Variants in AGBL1 observed in about 807,000 individuals in gnomAD.
AGBL1 encodes the protein cytosolic carboxypeptidase 4.
Under a neutral mutation model 118.9 loss-of-function variants are expected in AGBL1, and 130 were observed. That is an observed-to-expected ratio of 1.09 (90% CI 0.95 to 1.26). The LOEUF is 1.26. AGBL1 is among the 50% of genes most tolerant of loss of function. The probability of loss-of-function intolerance (pLI) is 0.00; values close to 1 mark genes in which losing one functional copy is unlikely to be tolerated. For synonymous variants in AGBL1, 555 were observed against 478.9 expected (o/e 1.16, Z -2.08); for missense variants, 1,584 against 1,298.1 (o/e 1.22, Z -3.38).
intron 22 of AGBL1, among the ~76,000 whole-genome samples, chr15:86,849,944 T>C (rs891957146): frequency 6.6e-6 from 1 of 152,226 alleles, no homozygotes; most frequent in Non-Finnish European, 1.5e-5. Context: ...TTTTACAATT[T>C]GGAAAATAAG....
intron 18 of AGBL1, among the ~76,000 whole-genome samples, chr15:86,480,165 A>G (rs1208304805): frequency 1.3e-5 from 2 of 152,128 alleles, no homozygotes; most frequent in African/African-American, 2.4e-5. Flanking sequence ...TAGCACACCA[A>G]CATGGCACAT....
intron 23 of AGBL1, among the ~76,000 whole-genome samples, chr15:86,967,901 A>G (rs1001258588): frequency 6.6e-6 from 1 of 152,072 alleles, no homozygotes; most frequent in Non-Finnish European, 1.5e-5. Flanking sequence ...CATTGAATGT[A>G]TAAATTACCT....
chr15:86,587,299 C>T (rs1016701361), intron 21 of AGBL1, among the ~76,000 whole-genome samples: 1 of 152,154 alleles, frequency 6.6e-6, no homozygotes, highest in Admixed American at 6.5e-5. Context: ...TCTCTTTTTC[C>T]TCTGACCTCT....
At chr15:86,941,759 C>T (rs561109623) in intron 23 of AGBL1, among the ~76,000 whole-genome samples, 1 of 152,162 alleles carries the variant, frequency 6.6e-6, no homozygotes, top group Non-Finnish European at 1.5e-5. Flanking sequence ...AGGTGCCAGC[C>T]ATTGAGAGCT....
Position 86,262,571 on chromosome 15 carries a change from T to G in AGBL1, c.970-207T>G. The G allele has an allele frequency of 1.1e-5, 7 of 629,486 alleles. No individual in the cohort carries two copies. In the South Asian group the frequency reaches 1.1e-4, roughly 10 times the overall value. The allele number at this position is 629,486 out of a possible 1,614,324, so 39.0% of individuals were successfully genotyped here. ...GAAGGCTGATAAATACTGACATAAA[T>G]GCTGAGACAAGTCCTTTATCTTCTT... On this transcript the variant is annotated intron_variant, in intron 9 of 22. Transcript: ENST00000614907.
At chr15:87,004,789 G>T (rs1220640336) in intron 24 of AGBL1, among the ~76,000 whole-genome samples, 1 of 152,098 alleles carries the variant, frequency 6.6e-6, no homozygotes, top group Admixed American at 6.6e-5. Context: ...AGCATTGATG[G>T]TCTTTCTTTA....
intron 1 of AGBL1, chr15:86,083,640 G>A (rs1006284342): frequency 6.6e-6 from 1 of 152,110 alleles, no homozygotes; most frequent in Non-Finnish European, 1.5e-5. Flanking sequence ...CCTCGGCTGG[G>A]GTGACCAGTC....
At chr15:86,539,972 T>C (rs1275333177) in intron 19 of AGBL1, among the ~76,000 whole-genome samples, 2 of 152,226 alleles carry the variant, frequency 1.3e-5, no homozygotes, top group Non-Finnish European at 2.9e-5. Context: ...AAATGAAAAG[T>C]GTTTTAAAAC....
At chr15:86,961,834 T>C (rs778387149) in intron 23 of AGBL1, among the ~76,000 whole-genome samples, 1 of 152,088 alleles carries the variant, frequency 6.6e-6, no homozygotes, top group African/African-American at 2.4e-5. Context: ...CCTAAGATAT[T>C]GCCTCTCAGG....
intron 17 of AGBL1, among the ~76,000 whole-genome samples, chr15:86,375,677 C>T (rs1716310890): frequency 6.6e-6 from 1 of 152,206 alleles, no homozygotes; most frequent in Non-Finnish European, 1.5e-5. Flanking sequence ...ACCACATGAG[C>T]AAGTACATGC....
At chr15:86,106,818 T>A (rs1897080339) in intron 1 of AGBL1, among the ~76,000 whole-genome samples, 1 of 152,230 alleles carries the variant, frequency 6.6e-6, no homozygotes, top group South Asian at 2.1e-4. Context: ...TGCTAGTTCT[T>A]GGAGTTGCTC....
chr15:86,835,505 G>T (rs1408446869), intron 22 of AGBL1, among the ~76,000 whole-genome samples: 1 of 152,000 alleles, frequency 6.6e-6, no homozygotes, highest in East Asian at 1.9e-4. Context: ...ACACTGTTCT[G>T]CCATTTGGAA....
chr15:86,475,449 C>T (rs192840264), intron 18 of AGBL1, among the ~76,000 whole-genome samples: 1 of 151,904 alleles, frequency 6.6e-6, no homozygotes, highest in African/African-American at 2.4e-5. Context: ...GTAGGCAATT[C>T]GATCAACTGG....
chr15:86,155,186 G>A (rs574106888), intron 4 of AGBL1, among the ~76,000 whole-genome samples: 3 of 152,208 alleles, frequency 2.0e-5, no homozygotes, highest in African/African-American at 7.2e-5. Flanking sequence ...AGTAAAGCAG[G>A]GCCAGGCATG....
intron 18 of AGBL1, among the ~76,000 whole-genome samples, chr15:86,429,255 T>C (rs2081904148): frequency 1.3e-5 from 2 of 152,204 alleles, no homozygotes. Context: ...GTTTAAAACA[T>C]GCCAAATGTG....
intron 18 of AGBL1, among the ~76,000 whole-genome samples, chr15:86,510,222 T>A: frequency 6.6e-6 from 1 of 152,122 alleles, no homozygotes; most frequent in Non-Finnish European, 1.5e-5. Flanking sequence ...TTAAACACAT[T>A]GACATCCTCT....
chr15:86,109,117 C>T (rs1897218454), intron 1 of AGBL1, among the ~76,000 whole-genome samples: 1 of 152,166 alleles, frequency 6.6e-6, no homozygotes, highest in African/African-American at 2.4e-5. Flanking sequence ...GTTAGTATAT[C>T]TACTACAACT....
intron 21 of AGBL1, among the ~76,000 whole-genome samples, chr15:86,654,621 A>G (rs1398718528): frequency 6.6e-6 from 1 of 152,162 alleles, no homozygotes; most frequent in Admixed American, 6.6e-5. Context: ...ACATACATTC[A>G]TGGAAAGAGG....
chr15:86,474,270 G>T (rs1444035528), intron 18 of AGBL1, among the ~76,000 whole-genome samples: 1 of 152,170 alleles, frequency 6.6e-6, no homozygotes. Flanking sequence ...GCCGAAGAAG[G>T]GCAAGGCATT....
Sources: gnomAD v4.1 joint callset for allele counts (sites outside exome capture counted in the v4.1 genomes callset) on GRCh38, gnomAD v4.1.1 for gene constraint, MANE v1.5 for transcripts, NCBI Gene and HGNC (gene_info 2026-07-23, HGNC 2026-07-21) for gene names.